ADGRL3: variants seen among roughly 807,000 people sequenced by gnomAD.
ADGRL3 encodes calcium-independent alpha-latrotoxin receptor 3.
A neutral mutation model predicts 153.5 loss-of-function variants in ADGRL3; 62 were observed. That is an observed-to-expected ratio of 0.40 (90% CI 0.33 to 0.50). The LOEUF is 0.50. Ranked by LOEUF, ADGRL3 falls within the 20% of genes least tolerant of loss-of-function variation. The pLI, the probability that ADGRL3 is intolerant of heterozygous loss-of-function variation, is 0.47. For synonymous variants in ADGRL3, 710 were observed against 672.5 expected (o/e 1.06, Z -0.86); for missense variants, 1,641 against 1,859.4 (o/e 0.88, Z 2.16).
chr4:61,382,382 GAT>G (rs1419278045), intron 1 of ADGRL3, among the ~76,000 whole-genome samples: 1 of 151,442 alleles, frequency 6.6e-6, no homozygotes, highest in Admixed American at 6.6e-5. Context: ...TTCAAAAATT[GAT>G]ATGGCCAGTT....
intron 13 of ADGRL3, among the ~76,000 whole-genome samples, chr4:61,914,239 T>G (rs559575842): frequency 6.6e-6 from 1 of 152,250 alleles, no homozygotes; most frequent in South Asian, 2.1e-4. Context: ...ATAAGTCAGC[T>G]AAATTTGTAG....
At chr4:61,624,047 G>A (rs2092689765) in intron 5 of ADGRL3, among the ~76,000 whole-genome samples, 1 of 152,132 alleles carries the variant, frequency 6.6e-6, no homozygotes, top group Non-Finnish European at 1.5e-5. Flanking sequence ...ATTCGGGCAA[G>A]TTTCAGATCA....
intron 2 of ADGRL3, among the ~76,000 whole-genome samples, chr4:61,403,717 CG>C (rs2096958652): frequency 6.6e-6 from 1 of 151,880 alleles, no homozygotes; most frequent in Non-Finnish European, 1.5e-5. Flanking sequence ...GGATTTGAAA[CG>C]GGTGTTTGAA....
At chr4:61,464,521 C>A (rs2097857799) in intron 2 of ADGRL3, among the ~76,000 whole-genome samples, 1 of 152,078 alleles carries the variant, frequency 6.6e-6, no homozygotes, top group African/African-American at 2.4e-5. Context: ...CTCCAGAAAT[C>A]TCTTGCATTT....
chr4:61,922,547 A>T (rs1349445172), intron 13 of ADGRL3, among the ~76,000 whole-genome samples: 4 of 152,150 alleles, frequency 2.6e-5, no homozygotes, highest in Admixed American at 2.6e-4. Context: ...CTGTTTTAGG[A>T]TCCTATCCAG....
At chr4:61,913,889 T>G (rs1484233247) in intron 13 of ADGRL3, among the ~76,000 whole-genome samples, 86 of 152,190 alleles carry the variant, frequency 5.7e-4, no homozygotes, top group African/African-American at 2.0e-3. Flanking sequence ...TATCTCTGTG[T>G]GCCAGCTATA....
At chr4:61,485,314 A>G (rs942899015) in intron 2 of ADGRL3, among the ~76,000 whole-genome samples, 3 of 152,212 alleles carry the variant, frequency 2.0e-5, no homozygotes, top group Non-Finnish European at 2.9e-5. Flanking sequence ...TTCTTTCATA[A>G]TCTCAAGAAC....
intron 8 of ADGRL3, among the ~76,000 whole-genome samples, chr4:61,751,637 G>C (rs1260013014): frequency 6.6e-6 from 1 of 152,118 alleles, no homozygotes; most frequent in East Asian, 1.9e-4. Context: ...TTTAATTATT[G>C]GAGGATTAGT....
At chr4:61,235,709 A>G (rs1308606963) in intron 1 of ADGRL3, among the ~76,000 whole-genome samples, 2 of 152,202 alleles carry the variant, frequency 1.3e-5, no homozygotes, top group Non-Finnish European at 2.9e-5. Flanking sequence ...TCACTATGGT[A>G]AGATAGATAA....
At chr4:62,004,884 T>C (rs529499352) in intron 21 of ADGRL3, among the ~76,000 whole-genome samples, 1 of 152,252 alleles carries the variant, frequency 6.6e-6, no homozygotes, top group East Asian at 1.9e-4. Flanking sequence ...TTGTCTGTTT[T>C]CCCATTTTTT....
At chr4:61,607,672 G>A (rs1035644878) in intron 5 of ADGRL3, among the ~76,000 whole-genome samples, 2 of 152,152 alleles carry the variant, frequency 1.3e-5, no homozygotes, top group African/African-American at 2.4e-5. Flanking sequence ...CACAAATCTT[G>A]TAACCTCTGG....
intron 9 of ADGRL3, among the ~76,000 whole-genome samples, chr4:61,818,427 G>A (rs928826820): frequency 1.1e-4 from 17 of 152,188 alleles, no homozygotes; most frequent in Admixed American, 6.5e-5. Context: ...AGCATCTGCA[G>A]CTTTTCCAGG....
intron 8 of ADGRL3, among the ~76,000 whole-genome samples, chr4:61,808,234 G>A (rs2097572024): frequency 6.6e-6 from 1 of 152,190 alleles, no homozygotes; most frequent in African/African-American, 2.4e-5. Context: ...GAGGGACAGT[G>A]TTATCTTGTT....
intron 13 of ADGRL3, among the ~76,000 whole-genome samples, chr4:61,920,120 A>G (rs1221218519): frequency 6.6e-6 from 1 of 152,224 alleles, no homozygotes; most frequent in African/African-American, 2.4e-5. Context: ...TCTATGCATC[A>G]GTGCTTTCTG....
chr4:62,069,987 TA>T, intron 26 of ADGRL3, 121 bp from the exon 27 acceptor site: 1 of 773,254 alleles, frequency 1.3e-6, no homozygotes, highest in Non-Finnish European at 2.1e-6. Context: ...ATTTTATACT[TA>T]AGTAAATGCT....
chr4:61,646,018 C>G (rs565959866), intron 5 of ADGRL3, among the ~76,000 whole-genome samples: 7 of 152,134 alleles, frequency 4.6e-5, no homozygotes, highest in Non-Finnish European at 1.0e-4. Flanking sequence ...CTTCCCTTCT[C>G]GCTTCATTTC....
intron 5 of ADGRL3, among the ~76,000 whole-genome samples, chr4:61,664,521 CT>C (rs896219012): frequency 4.4e-4 from 67 of 152,020 alleles, no homozygotes; most frequent in South Asian, 2.9e-3. Flanking sequence ...AGCTACAATA[CT>C]TTTTTTTAAT....
At chr4:61,331,124 G>A in intron 1 of ADGRL3, among the ~76,000 whole-genome samples, 1 of 152,168 alleles carries the variant, frequency 6.6e-6, no homozygotes. Flanking sequence ...ATAGTATGTT[G>A]TGTCTGTTTT....
At chr4:61,952,464 G>A (rs529090487) in intron 17 of ADGRL3, among the ~76,000 whole-genome samples, 6 of 148,750 alleles carry the variant, frequency 4.0e-5, no homozygotes, top group African/African-American at 1.2e-4. Flanking sequence ...GGGCAACAGA[G>A]TGAGACCCTG....
Sources: allele counts gnomAD v4.1 joint callset (sites outside exome capture counted in the v4.1 genomes callset), GRCh38; gene constraint gnomAD v4.1.1; transcripts MANE v1.5; gene names NCBI Gene and HGNC (gene_info 2026-07-23, HGNC 2026-07-21).